The following CNTN4 variants were observed in gnomAD, a reference collection of about 807,000 sequenced individuals.
The protein encoded by CNTN4 is contactin 4, also known as contactin-4.
CNTN4 carries 77 observed loss-of-function variants against 122.5 expected under a neutral mutation model. That is an observed-to-expected ratio of 0.63 (90% CI 0.52 to 0.76). CNTN4 has a LOEUF of 0.76. Among genes scored for constraint, CNTN4 ranks in the 30% least tolerant of loss-of-function variants. CNTN4 has a pLI of 0.00. For synonymous variants in CNTN4, 512 were observed against 447.0 expected, an observed-to-expected ratio of 1.15 and a Z score of -1.83; for missense variants, 1,256 against 1,259.1, an observed-to-expected ratio of 1.00 and a Z score of 0.04.
At chr3:2,948,681 C>T (rs1367954816) in intron 13 of CNTN4, among the ~76,000 whole-genome samples, 1 of 152,078 alleles carries the variant, frequency 6.6e-6, no homozygotes, top group Non-Finnish European at 1.5e-5. Flanking sequence ...CAAACTGAGG[C>T]TATTGATAGA....
intron 2 of CNTN4, among the ~76,000 whole-genome samples, chr3:2,185,846 T>C (rs2037227569): frequency 6.6e-6 from 1 of 152,214 alleles, no homozygotes; most frequent in Admixed American, 6.5e-5. Flanking sequence ...TTTTGTTTTA[T>C]GAGGCATGTG....
rs567741582 is a variant in CNTN4, at chr3:2,908,933, G to A, written c.1207+5928G>A. ...GGTGGAACACATCTGACCCTGGCAG[G>A]ACACTCAAATACCATCAAGTAACTG... On this transcript the variant is annotated intron_variant, in intron 12 of 24. Transcript: ENST00000418658. 1.1e-4 allele frequency among the ~76,000 whole-genome samples: 17 copies of A among 152,274 alleles called. No homozygotes were observed. In the East Asian group the frequency reaches 3.3e-3, roughly 29 times the overall value.
At chr3:2,117,062 A>G (rs1240823498) in intron 2 of CNTN4, among the ~76,000 whole-genome samples, 1 of 152,184 alleles carries the variant, frequency 6.6e-6, no homozygotes, top group Non-Finnish European at 1.5e-5. Flanking sequence ...CTCTCTACTT[A>G]GAGATAGTCT....
chr3:2,509,400 A>G (rs1360844502), intron 3 of CNTN4, among the ~76,000 whole-genome samples: 1 of 152,248 alleles, frequency 6.6e-6, no homozygotes, highest in Admixed American at 6.5e-5. Context: ...CAGAAATTGG[A>G]TTGAAAGTAC....
chr3:2,323,715 G>C (rs978297245), intron 2 of CNTN4, among the ~76,000 whole-genome samples: 1 of 152,160 alleles, frequency 6.6e-6, no homozygotes, highest in African/African-American at 2.4e-5. Context: ...GAATAAACAA[G>C]TACATGCATG....
At chr3:2,900,946 T>C in intron 11 of CNTN4, 125 bp downstream of exon 11, 1 of 1,244,218 alleles carries the variant, frequency 8.0e-7, no homozygotes. Flanking sequence ...AGCATTATGG[T>C]GGAAAAAGTG....
intron 3 of CNTN4, among the ~76,000 whole-genome samples, chr3:2,384,968 A>T (rs1456816434): frequency 6.6e-6 from 1 of 151,952 alleles, no homozygotes; most frequent in East Asian, 1.9e-4. Flanking sequence ...GTTCAAACTC[A>T]TTTGGCTTGA....
chr3:2,170,474 CTTGAT>C (rs2036452859), intron 2 of CNTN4, among the ~76,000 whole-genome samples: 1 of 152,096 alleles, frequency 6.6e-6, no homozygotes, highest in African/African-American at 2.4e-5. Flanking sequence ...TAAACAAGTG[CTTGAT>C]TGAAAAGTAA....
chr3:2,193,246 A>G (rs148660264), intron 2 of CNTN4, among the ~76,000 whole-genome samples: 2 of 152,124 alleles, frequency 1.3e-5, no homozygotes, highest in African/African-American at 4.8e-5. Context: ...CACATATCCT[A>G]GCATCTATGG....
intron 13 of CNTN4, among the ~76,000 whole-genome samples, chr3:2,971,520 A>C (rs1692926410): frequency 6.6e-6 from 1 of 152,206 alleles, no homozygotes; most frequent in Non-Finnish European, 1.5e-5. Flanking sequence ...AAACTATGCA[A>C]ATCTTTACAT....
rs538678392 is a variant in CNTN4, at chr3:2,424,786, C to T, written c.-89+85553C>T. Among the ~76,000 whole-genome samples, 15 of 152,182 alleles carry T rather than the reference C, an allele frequency of 9.9e-5. 1 individual carries two copies. Among genetic ancestry groups the T allele is most frequent in the Middle Eastern group, 6.8e-3 (2 of 294 alleles). On this transcript the variant is annotated intron_variant, in intron 3 of 24. Coordinates refer to ENST00000418658, the MANE Select transcript of CNTN4 (RefSeq NM_175607.3). The stretch of plus-strand genomic sequence containing the variant: ...ACTGGTGTGAGATGGCGTCTCATTG[C>T]GGTTTTGATTTGCATTTCTCTGATG...
chr3:2,275,791 G>A lies in CNTN4; in HGVS notation c.-144-63387G>A, dbSNP rs145451948. On this transcript the variant is annotated intron_variant, in intron 2 of 24. Transcript: ENST00000418658. ...AAAAATTAGCCGGGCGTGGTGGTGTGTGCCTGTAATCCCAGCTACTCAGGA... is the reference window on the plus strand; with the variant it reads ...AAAAATTAGCCGGGCGTGGTGGTGTATGCCTGTAATCCCAGCTACTCAGGA... Among the ~76,000 whole-genome samples, 1,210 of 151,620 alleles carry A rather than the reference G, an allele frequency of 8.0e-3. 18 individuals carry two copies. Among genetic ancestry groups the A allele is most frequent in the African/African-American group, 0.028 (1,146 of 41,294 alleles).
chr3:2,581,280 T>C (rs1485099880), intron 4 of CNTN4, among the ~76,000 whole-genome samples: 2 of 152,120 alleles, frequency 1.3e-5, no homozygotes, highest in African/African-American at 2.4e-5. Flanking sequence ...CCTTAAGTAC[T>C]CTGAGGTCAG....
chr3:2,338,467 TCA>T (rs970156407), intron 2 of CNTN4, among the ~76,000 whole-genome samples: 2 of 151,956 alleles, frequency 1.3e-5, no homozygotes, highest in African/African-American at 4.8e-5. Context: ...AATTTTATTT[TCA>T]GTTATTAAAA....
chr3:2,969,901 G>T (rs1692723835), intron 13 of CNTN4, among the ~76,000 whole-genome samples: 1 of 152,078 alleles, frequency 6.6e-6, no homozygotes, highest in Non-Finnish European at 1.5e-5. Context: ...AAAGCAGATT[G>T]CAGTCAGACT....
intron 3 of CNTN4, among the ~76,000 whole-genome samples, chr3:2,528,288 T>A (rs1397344652): frequency 2.6e-5 from 4 of 152,202 alleles, no homozygotes; most frequent in Admixed American, 2.6e-4. Context: ...TTATTTTACA[T>A]TTGAAATTGT....
At chr3:2,619,141 T>A (rs2081895749) in intron 4 of CNTN4, among the ~76,000 whole-genome samples, 1 of 152,364 alleles carries the variant, frequency 6.6e-6, no homozygotes, top group Middle Eastern at 3.4e-3. Flanking sequence ...TTTTTTACTT[T>A]GTGTCTTCAG....
chr3:2,506,102 G>T (rs17194490), intron 3 of CNTN4, among the ~76,000 whole-genome samples: 18,320 of 151,944 alleles, frequency 0.12, 1,333 homozygotes, highest in Middle Eastern at 0.18. Context: ...TTTTCCTCAT[G>T]TGGACGCCTT....
chr3:2,587,322 G>C (rs950550031), intron 4 of CNTN4, among the ~76,000 whole-genome samples: 5 of 152,182 alleles, frequency 3.3e-5, no homozygotes, highest in African/African-American at 1.2e-4. Context: ...TTGTTTGTTA[G>C]GGTCAACAGC....
Sources: gnomAD v4.1 joint callset for allele counts (sites outside exome capture counted in the v4.1 genomes callset) on GRCh38, gnomAD v4.1.1 for gene constraint, MANE v1.5 for transcripts, NCBI Gene and HGNC (gene_info 2026-07-23, HGNC 2026-07-21) for gene names.